ANK2: variants seen among roughly 807,000 people sequenced by gnomAD.
ANK2 encodes ankyrin 2.
In ANK2, 83 loss-of-function variants were observed where a neutral mutation model predicts 360.5. The observed-to-expected ratio is 0.23, with a 90% CI of 0.19 to 0.28. The LOEUF (loss-of-function observed/expected upper bound fraction) is 0.28. ANK2 is among the 10% of genes least tolerant of loss of function. The pLI is 1.00. For synonymous variants in ANK2, 1,740 were observed against 1,759.5 expected (o/e 0.99, Z 0.28); for missense variants, 4,201 against 4,795.7 (o/e 0.88, Z 3.66).
At chr4:112,713,525 C>T in the ANK2 span, among the ~76,000 whole-genome samples, 1 of 151,978 alleles carries the variant, frequency 6.6e-6, no homozygotes, top group Admixed American at 6.6e-5. Context: ...GCTGAGATCG[C>T]GCCATTGCAC....
At chr4:112,819,010 GT>G (rs2056201921) in intron 1 of ANK2, among the ~76,000 whole-genome samples, 1 of 152,016 alleles carries the variant, frequency 6.6e-6, no homozygotes, top group Non-Finnish European at 1.5e-5. Flanking sequence ...CTTTGGCTTG[GT>G]TTTTATTTTT....
chr4:113,170,735 A>G (rs1264527180), intron 1 of ANK2, among the ~76,000 whole-genome samples: 6 of 152,148 alleles, frequency 3.9e-5, no homozygotes, highest in African/African-American at 1.2e-4. Flanking sequence ...GCTGGGTGCT[A>G]AGAAAGTTGT....
At chr4:112,828,232 CTT>C (rs751771907) in intron 1 of ANK2, among the ~76,000 whole-genome samples, 30 of 109,558 alleles carry the variant, frequency 2.7e-4, no homozygotes, top group Non-Finnish European at 3.0e-4. Flanking sequence ...GAATTACGGA[CTT>C]TTTTTTTTTT....
intron 11 of ANK2, among the ~76,000 whole-genome samples, chr4:113,256,426 A>C (rs2049367711): frequency 6.6e-6 from 1 of 152,202 alleles, no homozygotes; most frequent in African/African-American, 2.4e-5. Context: ...TTGATTACTC[A>C]ACCATAGGCT....
chr4:113,092,383 A>C (rs1029392825), intron 1 of ANK2, among the ~76,000 whole-genome samples: 1 of 152,188 alleles, frequency 6.6e-6, no homozygotes, highest in Non-Finnish European at 1.5e-5. Context: ...AGTCCTTGTT[A>C]ATTAAAGTGT....
chr4:112,915,986 C>T (rs1480344382), intron 2 of ANK2, among the ~76,000 whole-genome samples: 2 of 151,968 alleles, frequency 1.3e-5, no homozygotes, highest in Non-Finnish European at 2.9e-5. Flanking sequence ...GTTTTCCATT[C>T]CTGCGTAACT....
chr4:113,278,329 G>A (rs1218896712), intron 16 of ANK2, 131 bp from the exon 17 acceptor site: 1 of 782,778 alleles, frequency 1.3e-6, no homozygotes, highest in Non-Finnish European at 2.2e-6. Context: ...GTTTATTTTC[G>A]TTCTTTTTTC....
chr4:113,119,278 C>T (rs565695638), intron 1 of ANK2, among the ~76,000 whole-genome samples: 3 of 152,192 alleles, frequency 2.0e-5, no homozygotes, highest in Admixed American at 2.0e-4. Context: ...TGCTCCTCCT[C>T]CCTTTTCTAC....
At chr4:112,735,830 A>C in the ANK2 span, among the ~76,000 whole-genome samples, 1 of 151,460 alleles carries the variant, frequency 6.6e-6, no homozygotes, top group East Asian at 1.9e-4. Context: ...CTCACTGAAC[A>C]GCTCTCCATT....
At chr4:112,800,293 A>G in the ANK2 span, among the ~76,000 whole-genome samples, 1 of 152,158 alleles carries the variant, frequency 6.6e-6, no homozygotes, top group Non-Finnish European at 1.5e-5. Context: ...TTCAACCCAC[A>G]TTATGATTAG....
chr4:112,733,242 A>G, the ANK2 span, among the ~76,000 whole-genome samples: 1 of 152,064 alleles, frequency 6.6e-6, no homozygotes, highest in African/African-American at 2.4e-5. Context: ...ATACATAAAA[A>G]AAATAAATAA....
chr4:112,796,830 A>T, the ANK2 span, among the ~76,000 whole-genome samples: 4 of 152,216 alleles, frequency 2.6e-5, no homozygotes, highest in Admixed American at 6.5e-5. Context: ...ATGTATATTA[A>T]ATTGATCAAC....
intron 1 of ANK2, among the ~76,000 whole-genome samples, chr4:113,058,063 C>G (rs1397449120): frequency 6.6e-6 from 1 of 152,156 alleles, no homozygotes; most frequent in Non-Finnish European, 1.5e-5. Context: ...CCACAGGTTT[C>G]TGTGCAGTCT....
chr4:112,920,123 C>T (rs1405567497), intron 2 of ANK2, among the ~76,000 whole-genome samples: 3 of 152,080 alleles, frequency 2.0e-5, no homozygotes, highest in African/African-American at 7.2e-5. Context: ...GTCTAGAACT[C>T]GTGTCTCTTG....
At chr4:112,737,560 G>T in the ANK2 span, among the ~76,000 whole-genome samples, 3 of 152,208 alleles carry the variant, frequency 2.0e-5, no homozygotes, top group Non-Finnish European at 4.4e-5. Flanking sequence ...GCATCAGCTG[G>T]AGCAGCTTGA....
intron 2 of ANK2, among the ~76,000 whole-genome samples, chr4:112,995,492 A>T (rs1434637827): frequency 2.0e-5 from 3 of 152,156 alleles, no homozygotes; most frequent in Non-Finnish European, 2.9e-5. Flanking sequence ...TCTGGATATT[A>T]GACCTCTGTC....
intron 18 of ANK2, among the ~76,000 whole-genome samples, chr4:113,286,068 A>T (rs1262290296): frequency 6.6e-6 from 1 of 152,242 alleles, no homozygotes; most frequent in African/African-American, 2.4e-5. Flanking sequence ...TTCTGCAAAT[A>T]GAGCAGAAAA....
chr4:112,733,481 T>A, the ANK2 span, among the ~76,000 whole-genome samples: 3 of 152,176 alleles, frequency 2.0e-5, no homozygotes, highest in Non-Finnish European at 4.4e-5. Context: ...CTCTAGTTAT[T>A]TCATACATGT....
At chr4:113,233,270 G>A (rs1239351289) in intron 5 of ANK2, among the ~76,000 whole-genome samples, 3 of 148,386 alleles carry the variant, frequency 2.0e-5, no homozygotes, top group Non-Finnish European at 3.0e-5. Flanking sequence ...AAGTAGCTGG[G>A]ACTACAGGCG....
Sources: allele counts gnomAD v4.1 joint callset (sites outside exome capture counted in the v4.1 genomes callset), GRCh38; gene constraint gnomAD v4.1.1; transcripts MANE v1.5; gene names NCBI Gene and HGNC (gene_info 2026-07-23, HGNC 2026-07-21).